MYO18A: variants seen among roughly 807,000 people sequenced by gnomAD.
The protein encoded by MYO18A is myosin XVIIIA, also known as unconventional myosin-XVIIIa.
MYO18A carries 78 observed loss-of-function variants against 235.8 expected under a neutral mutation model. That is an observed-to-expected ratio of 0.33 (90% CI 0.28 to 0.40). The LOEUF is 0.40. Among genes scored for constraint, MYO18A ranks in the 10% least tolerant of loss-of-function variants. The pLI, the probability that MYO18A is intolerant of heterozygous loss-of-function variation, is 1.00. For missense variants in MYO18A, 2,215 were observed against 2,699.3 expected (o/e 0.82, Z 3.98); for synonymous variants, 977 against 1,077.8 (o/e 0.91, Z 1.83).
chr17:29,166,749 G>T lies in MYO18A; in HGVS notation c.192C>A (p.Asn64Lys), dbSNP rs553785321. The change falls in exon 2 of 42, where the codon AAC becomes AAA. Residue 64 changes from asparagine to lysine, a missense_variant. Transcript: ENST00000527372. ...CGCTGGCCACCTTGATGGGGATGGG[G>T]TTGGAGATTTCCAGGCGCGTCTTGG... ...RESKTRLEISNPIPIKVASGS... is the reference protein window; with the variant it reads ...RESKTRLEISKPIPIKVASGS... The T allele has an allele frequency of 6.2e-7, 1 of 1,613,900 alleles. No homozygotes were observed. Among genetic ancestry groups the T allele is most frequent in the Non-Finnish European group, 8.5e-7 (1 of 1,179,884 alleles).
Position 29,099,090 on chromosome 17 carries a change from C to G in MYO18A, c.3637-121G>C. The G allele has an allele frequency of 4.0e-6, 5 of 1,243,312 alleles. No individual in the cohort carries two copies. In the South Asian group the frequency reaches 6.8e-5, roughly 17 times the overall value. 77.0% of individuals were successfully genotyped at this position (1,243,312 alleles called of 1,614,324 possible). A position where few individuals can be genotyped will look rare whatever the true frequency, so the allele number is the denominator to read the frequency against. On this transcript the variant is annotated intron_variant, in intron 22 of 41. Transcript: ENST00000527372. ...GGCTGCTCCTCTGGCCCCCTGACCC[C>G]GAGTCAGATACTTCTCATGCTCCCC...
At position 29,109,925 on chromosome 17, in the gene MYO18A, G is replaced by A. The variant is rs773937818; in HGVS notation, c.3264C>T (p.Asp1088=). The change falls in exon 19 of 42, where the codon GAC becomes GAT. Residue 1088 remains aspartate, a synonymous_variant. Transcript: ENST00000527372. The surrounding 1 kb of genome is among the most constrained non-coding windows in gnomAD (Gnocchi z 4.1). ...GGAGCTGGGTGCGGAGCAGGGGCAC[G>A]TCGAGCTGCAGGAGCCCAGCCTCGC... ...DHCEAGLLQL[D]VPLLRTQLRG... is the part of the protein sequence containing the mutation. 14 of 1,596,966 alleles carry A rather than the reference G, an allele frequency of 8.8e-6. No individual in the cohort carries two copies. The East Asian group carries it at 2.5e-4, about 29-fold the overall frequency.
intron 41 of MYO18A, chr17:29,075,591 A>G (rs958778595): frequency 1.8e-5 from 3 of 166,648 alleles, no homozygotes; most frequent in African/African-American, 7.2e-5. Flanking sequence ...CATAACTCAG[A>G]GTCTTCATCA....
chr17:29,115,380 G>A lies in MYO18A; in HGVS notation c.2289C>T (p.Leu763=). ...TCACCAGGGAGACGAGAAGGGTGAAGAGCTCGCTGTAGAGGCCGGCCGCCA... is the reference window on the plus strand; with the variant it reads ...TCACCAGGGAGACGAGAAGGGTGAAAAGCTCGCTGTAGAGGCCGGCCGCCA... ...EGMAAGLYSE[L]FTLLVSLVNR... Residue 763 remains leucine (L), a synonymous_variant, in exon 13 of 42, where the codon CTC becomes CTT. Transcript: ENST00000527372. 6.2e-7 allele frequency: 1 copy of A among 1,614,002 alleles called. No individual in the cohort carries two copies. Among genetic ancestry groups the A allele is most frequent in the South Asian group, 1.1e-5 (1 of 91,082 alleles).
rs2068615032 is a variant in MYO18A at position 29,180,075 on chromosome 17, G to A, written c.-82+238C>T. ...CCCCCCAGGTTGGCTGGAAGGGCCG[G>A]TGGTTCCCCCTTCCCCGCCGCTCCC... On this transcript the variant is annotated intron_variant, in intron 1 of 41. Transcript: ENST00000527372. This position sits in a 1 kb window ranked among gnomAD's most constrained non-coding sequence, Gnocchi z 6.1. Among the ~76,000 whole-genome samples the A allele has an allele frequency of 6.6e-6, 1 of 151,474 alleles. No homozygotes were observed. Among genetic ancestry groups the A allele is most frequent in the Non-Finnish European group, 1.5e-5 (1 of 67,574 alleles).
intron 2 of MYO18A, chr17:29,133,934 TA>T: frequency 2.7e-6 from 3 of 1,127,936 alleles, no homozygotes; most frequent in Non-Finnish European, 3.5e-6. Context: ...CCTGCCAGGA[TA>T]AACACTGTGG....
Position 29,080,055 on chromosome 17 carries a change from G to A in MYO18A, c.6020+2261C>T, listed in dbSNP as rs538337569. On this transcript the variant is annotated intron_variant, in intron 41 of 41. Transcript: ENST00000527372. ...AGCTGGAGCTGGAGCTGCTCCTTCC[G>A]CTCCTTCGCCGGCTCCGGCTCTTCC... is the stretch of plus-strand genomic sequence containing the variant. 3.0e-5 allele frequency: 30 copies of A among 985,766 alleles called. No homozygotes were observed. In the South Asian group the frequency reaches 1.3e-3, roughly 42 times the overall value. 61.1% of individuals were successfully genotyped at this position (985,766 alleles called of 1,614,324 possible).
intron 2 of MYO18A, among the ~76,000 whole-genome samples, chr17:29,124,187 C>CTGTA (rs1462858146): frequency 6.6e-6 from 1 of 152,166 alleles, no homozygotes; most frequent in Non-Finnish European, 1.5e-5. Flanking sequence ...ACATCATAGC[C>CTGTA]TGTAACTAAC....
chr17:29,090,861 A>G lies in MYO18A; in HGVS notation c.5253T>C (p.Asp1751=). ...KNEIQNRLEE[D]QEDMNELMKK... is the part of the protein sequence containing the mutation. The stretch of plus-strand genomic sequence containing the variant: ...TCATCAATTCGTTCATGTCTTCCTG[A>G]TCTTCCTCCAGCCGGTTCTGGATCT... Residue 1751 remains aspartate (D), a synonymous_variant, in exon 35 of 42, where the codon GAT becomes GAC. Transcript: ENST00000527372. 12 of 1,613,988 alleles carry G rather than the reference A, an allele frequency of 7.4e-6. No individual in the cohort carries two copies. The highest frequency in any genetic ancestry group is 1.0e-5 in the Non-Finnish European group (12 of 1,179,890).
chr17:29,129,562 C>T (rs1303672761), intron 2 of MYO18A, among the ~76,000 whole-genome samples: 1 of 152,200 alleles, frequency 6.6e-6, no homozygotes, highest in Non-Finnish European at 1.5e-5. Context: ...CTGGGTTCTC[C>T]TTGTTGGCCA....
At chr17:29,105,437 G>A (rs532261015) in intron 20 of MYO18A, among the ~76,000 whole-genome samples, 1 of 152,146 alleles carries the variant, frequency 6.6e-6, no homozygotes, top group Non-Finnish European at 1.5e-5. Context: ...GAGAAAAAGA[G>A]ATGCCAGAGG....
At chr17:29,079,816 C>G (rs989531551) in intron 41 of MYO18A, 5 of 985,970 alleles carry the variant, frequency 5.1e-6, no homozygotes, top group Non-Finnish European at 6.0e-6. Flanking sequence ...CCTCGACGGC[C>G]GGTGCGTCTG....
chr17:29,083,341 C>G (rs2066164544), intron 40 of MYO18A, among the ~76,000 whole-genome samples: 1 of 152,128 alleles, frequency 6.6e-6, no homozygotes, highest in Non-Finnish European at 1.5e-5. Context: ...AGCAGCTGGG[C>G]TTGGAGATAG....
chr17:29,079,885 G>GAGAC, intron 41 of MYO18A: 1 of 985,942 alleles, frequency 1.0e-6, no homozygotes, highest in Non-Finnish European at 1.2e-6. Context: ...GCTGTGGCTG[G>GAGAC]AGACGGTCGA....
intron 19 of MYO18A, among the ~76,000 whole-genome samples, chr17:29,108,730 T>C (rs2066853843): frequency 6.6e-6 from 1 of 152,170 alleles, no homozygotes; most frequent in Admixed American, 6.5e-5. Context: ...AGTGAGCTAT[T>C]GATTGTATCT....
At chr17:29,159,328 CCCTTCATTACCTAAAGGA>C (rs2068125111) in intron 2 of MYO18A, among the ~76,000 whole-genome samples, 33 of 152,152 alleles carry the variant, frequency 2.2e-4, no homozygotes, top group Admixed American at 2.2e-3. Context: ...CTGCCCCCAG[CCCTTCATTACCTAAAGGA>C]CTTAGATAGG....
rs1376702128 is a variant in MYO18A at position 29,075,246 on chromosome 17, T to C, written c.6021-332A>G. 6 of 246,278 alleles carry C rather than the reference T, an allele frequency of 2.4e-5. No homozygotes were observed. The East Asian group carries it at 5.2e-4, about 21-fold the overall frequency. The allele number at this position is 246,278 out of a possible 1,614,324, so 15.3% of individuals were successfully genotyped here. On this transcript the variant is annotated intron_variant, in intron 41 of 41. Transcript: ENST00000527372. ...TGGGTACAACCCAGTAATTCTGCAT[T>C]TTCAGTCCTTCCCCAGAAGGCTCTG...
At chr17:29,157,637 C>A (rs143334435) in intron 2 of MYO18A, among the ~76,000 whole-genome samples, 4 of 152,142 alleles carry the variant, frequency 2.6e-5, no homozygotes, top group African/African-American at 9.7e-5. Flanking sequence ...TTGTTATGAT[C>A]CTTCAAAGGG....
In MYO18A at chr17:29,103,712, C is replaced by T. The variant is rs777025947; in HGVS notation, c.3442-48G>A. The T allele has an allele frequency of 8.8e-6, 14 of 1,586,272 alleles. No individual in the cohort carries two copies. In the South Asian group the frequency reaches 1.2e-4, roughly 14 times the overall value. On this transcript the variant is annotated intron_variant, in intron 20 of 41. Coordinates refer to ENST00000527372, the MANE Select transcript of MYO18A (RefSeq NM_078471.4). ...GGCAGCCCGCCTGGGCCTCCCCTCA[C>T]CATGCAGGGCTTTCTCCAGGCCCTT...
Sources: gnomAD v4.1 joint callset for allele counts (sites outside exome capture counted in the v4.1 genomes callset) on GRCh38, gnomAD v4.1.1 for gene constraint, Gnocchi (gnomAD v3.1) non-coding constraint, MANE v1.5 for transcripts, NCBI Gene and HGNC (gene_info 2026-07-23, HGNC 2026-07-21) for gene names.